The following GPHN variants were observed in gnomAD, a reference collection of about 807,000 sequenced individuals.
GPHN encodes gephyrin.
A neutral mutation model predicts 95.5 loss-of-function variants in GPHN; 17 were observed. That is an observed-to-expected ratio of 0.18 (90% CI 0.12 to 0.27). GPHN has a LOEUF of 0.27. Among genes scored for constraint, GPHN ranks in the 10% least tolerant of loss-of-function variants. GPHN has a pLI of 1.00. For missense variants in GPHN, 660 were observed against 978.1 expected (o/e 0.67, Z 4.34); for synonymous variants, 320 against 322.5 (o/e 0.99, Z 0.08).
chr14:66,628,862 C>A (rs2153333215), intron 1 of GPHN, among the ~76,000 whole-genome samples: 1 of 151,246 alleles, frequency 6.6e-6, no homozygotes, highest in Admixed American at 6.6e-5. Flanking sequence ...GAGTTTAAAA[C>A]CAGCATGGGG....
At chr14:67,697,168 C>T in the GPHN span, among the ~76,000 whole-genome samples, 6 of 152,150 alleles carry the variant, frequency 3.9e-5, no homozygotes, top group Admixed American at 1.3e-4. Context: ...TCTGCTCGCC[C>T]GGAGTTCATG....
At chr14:67,416,388 G>A in the GPHN span, among the ~76,000 whole-genome samples, 5 of 152,188 alleles carry the variant, frequency 3.3e-5, no homozygotes, top group South Asian at 4.1e-4. Flanking sequence ...GAACTGGGCG[G>A]TGAAGTCCCA....
chr14:66,508,715 G>A (rs1192623452), intron 1 of GPHN, 124 bp downstream of exon 1: 3 of 882,676 alleles, frequency 3.4e-6, no homozygotes, highest in Non-Finnish European at 5.7e-6. Context: ...GGGAACCGCG[G>A]GGGTGCATTT....
chr14:67,490,110 T>C, the GPHN span, among the ~76,000 whole-genome samples: 257 of 152,338 alleles, frequency 1.7e-3, 2 homozygotes, highest in African/African-American at 5.8e-3. Flanking sequence ...CCCAGCTGCA[T>C]TTAAATTCTT....
chr14:67,411,559 T>G, the GPHN span, among the ~76,000 whole-genome samples: 4 of 152,098 alleles, frequency 2.6e-5, no homozygotes, highest in Admixed American at 6.5e-5. Context: ...TTTTCCCCCT[T>G]GATGAAAGCA....
At chr14:67,363,919 T>A in the GPHN span, 3 of 152,208 alleles carry the variant, frequency 2.0e-5, no homozygotes, top group Admixed American at 1.3e-4. Context: ...CTTCCTTTTT[T>A]AAATATGCTT....
the GPHN span, chr14:67,225,329 A>G: frequency 8.7e-7 from 1 of 1,146,746 alleles, no homozygotes; most frequent in Non-Finnish European, 1.2e-6. Flanking sequence ...CACACAAAAA[A>G]GTTGTTAATA....
At chr14:66,896,769 TAAAG>T (rs1286633707) in intron 5 of GPHN, among the ~76,000 whole-genome samples, 1 of 150,212 alleles carries the variant, frequency 6.7e-6, no homozygotes, top group African/African-American at 2.4e-5. Context: ...GGAAAATACT[TAAAG>T]TAAGATAAGA....
chr14:67,443,482 GCC>G, the GPHN span, among the ~76,000 whole-genome samples: 1 of 152,104 alleles, frequency 6.6e-6, no homozygotes, highest in East Asian at 1.9e-4. Flanking sequence ...GGGTAGGAGG[GCC>G]AGTGTTCTGG....
chr14:67,515,635 C>A, the GPHN span: 1 of 152,340 alleles, frequency 6.6e-6, no homozygotes, highest in Non-Finnish European at 1.5e-5. Flanking sequence ...AGGGCCGCGG[C>A]GCAGGTGGCT....
chr14:66,680,618 T>C (rs1876546599), intron 1 of GPHN, among the ~76,000 whole-genome samples: 1 of 152,218 alleles, frequency 6.6e-6, no homozygotes, highest in South Asian at 2.1e-4. Context: ...TCTGTCTAAC[T>C]GGCAAATCCT....
At chr14:67,361,126 T>C in the GPHN span, among the ~76,000 whole-genome samples, 3 of 152,252 alleles carry the variant, frequency 2.0e-5, no homozygotes, top group East Asian at 3.8e-4. Context: ...TAAGCATAAC[T>C]AAAACCTAAG....
the GPHN span, among the ~76,000 whole-genome samples, chr14:67,672,672 A>C: frequency 6.9e-6 from 1 of 145,016 alleles, no homozygotes; most frequent in East Asian, 2.1e-4. Flanking sequence ...TGAACTCCTG[A>C]CCTCAAGTGA....
In GPHN at chr14:67,111,935, A is replaced by G. The variant is rs1270200402; in HGVS notation, c.1472+16A>G. 6.3e-7 allele frequency: 1 copy of G among 1,577,832 alleles called. No homozygotes were observed. The highest frequency in any genetic ancestry group is 1.7e-5 in the Admixed American group (1 of 59,946). On this transcript the variant is annotated intron_variant, in intron 15 of 22. Coordinates refer to ENST00000478722, the MANE Select transcript of GPHN (RefSeq NM_020806.5). ...AAGATATCAGGTAACTTCAAAACACATAGAATATATAGCCTACTTTTGTTT... is the reference window on the plus strand; with the variant it reads ...AAGATATCAGGTAACTTCAAAACACGTAGAATATATAGCCTACTTTTGTTT...
the GPHN span, chr14:67,320,367 G>C: frequency 6.2e-7 from 1 of 1,609,260 alleles, no homozygotes; most frequent in Non-Finnish European, 8.5e-7. Context: ...CATGAACAAA[G>C]AAAAGGACCG....
At chr14:66,902,460 C>T (rs1438906856) in intron 5 of GPHN, among the ~76,000 whole-genome samples, 2 of 151,874 alleles carry the variant, frequency 1.3e-5, no homozygotes, top group Non-Finnish European at 2.9e-5. Flanking sequence ...AGAGGAAAGG[C>T]GTTCAATTTT....
At chr14:67,526,535 G>T in the GPHN span, among the ~76,000 whole-genome samples, 1 of 152,222 alleles carries the variant, frequency 6.6e-6, no homozygotes, top group Non-Finnish European at 1.5e-5. Context: ...ACATCTCAGT[G>T]TTCTAGCCCC....
At chr14:66,908,997 A>T (rs1299332474) in intron 5 of GPHN, among the ~76,000 whole-genome samples, 1 of 152,118 alleles carries the variant, frequency 6.6e-6, no homozygotes, top group Non-Finnish European at 1.5e-5. Context: ...TGAAACAGAA[A>T]AAGGGTATTA....
At chr14:67,156,793 G>A (rs1357396764) in intron 18 of GPHN, among the ~76,000 whole-genome samples, 2 of 151,756 alleles carry the variant, frequency 1.3e-5, no homozygotes, top group Admixed American at 6.6e-5. Flanking sequence ...CCTAACCAAC[G>A]TAATGAAACC....
Sources: gnomAD v4.1 joint callset for allele counts (sites outside exome capture counted in the v4.1 genomes callset) on GRCh38, gnomAD v4.1.1 for gene constraint, MANE v1.5 for transcripts, NCBI Gene and HGNC (gene_info 2026-07-23, HGNC 2026-07-21) for gene names.